CHCHD2: variants seen among roughly 807,000 people sequenced by gnomAD.
CHCHD2 encodes coiled-coil-helix-coiled-coil-helix domain-containing protein 2.
In CHCHD2, 17 loss-of-function variants were observed where a neutral mutation model predicts 17.5. The observed-to-expected ratio is 0.97, with a 90% CI of 0.67 to 1.46. The LOEUF is 1.46. Among genes scored for constraint, CHCHD2 ranks in the 40% most tolerant of loss-of-function variants. CHCHD2 has a pLI of 0.00. For synonymous variants in CHCHD2, 63 were observed against 74.3 expected (o/e 0.85, Z 0.78); for missense variants, 175 against 199.9 (o/e 0.88, Z 0.75).
At chr7:56,105,776 C>A (rs946463321) in intron 1 of CHCHD2, among the ~76,000 whole-genome samples, 1 of 152,174 alleles carries the variant, frequency 6.6e-6, no homozygotes, top group Non-Finnish European at 1.5e-5. Flanking sequence ...GAGTTAGACT[C>A]TGACTCAAAA....
At chr7:56,105,911 T>C (rs1392653703) in intron 1 of CHCHD2, among the ~76,000 whole-genome samples, 1 of 152,200 alleles carries the variant, frequency 6.6e-6, no homozygotes, top group African/African-American at 2.4e-5. Context: ...TGAACTATTA[T>C]ACCAAAAGCA....
At chr7:56,104,561 T>G in intron 1 of CHCHD2, 86 bp from the exon 2 acceptor site, 1 of 1,328,900 alleles carries the variant, frequency 7.5e-7, no homozygotes. Flanking sequence ...CATATTAAAA[T>G]GGACCTCAAG....
intron 1 of CHCHD2, among the ~76,000 whole-genome samples, chr7:56,105,819 A>G (rs1785372329): frequency 6.6e-6 from 1 of 152,156 alleles, no homozygotes; most frequent in African/African-American, 2.4e-5. Context: ...TTAGGACTTA[A>G]AGATGGTCAA....
intron 1 of CHCHD2, 40 bp downstream of exon 1, chr7:56,106,324 G>C: frequency 6.2e-7 from 1 of 1,604,612 alleles, no homozygotes; most frequent in East Asian, 2.3e-5. Flanking sequence ...GTAGAGTCCG[G>C]ACGGCCGCGC....
At position 56,101,785 on chromosome 7, in the gene CHCHD2, A is replaced by G. The variant is rs569456060; in HGVS notation, c.*66T>C. ...ACTTTATACCCTCACTATCAATTCT[A>G]TTTTTATACTAAATTAACTTAGTTA... On this transcript the variant is annotated 3_prime_UTR_variant, in exon 4 of 4. Transcript: ENST00000395422. 249 of 1,451,414 alleles carry G rather than the reference A, an allele frequency of 1.7e-4. No homozygotes were observed. Among genetic ancestry groups the G allele is most frequent in the Non-Finnish European group, 2.2e-4 (228 of 1,040,870 alleles). 89.9% of individuals were successfully genotyped at this position (1,451,414 alleles called of 1,614,324 possible). A position where few individuals can be genotyped will look rare whatever the true frequency, so the allele number is the denominator to read the frequency against.
Position 56,104,410 on chromosome 7 carries a change from G to A in CHCHD2, c.116C>T (p.Pro39Leu). ...APVAQPPAAA[P>L]PSAVGSSAAA... Reference sequence around the variant, plus strand: ...AGCAGAAGAGCCAACTGCAGATGGGGGTGCCGCTGCTGGTGGCTGAGCGAC... The same window carrying A: ...AGCAGAAGAGCCAACTGCAGATGGGAGTGCCGCTGCTGGTGGCTGAGCGAC... The change falls in exon 2 of 4, where the codon CCC becomes CTC. Residue 39 changes from proline to leucine, a missense_variant. Physicochemically the swap from Pro to Leu is moderately conservative, Grantham distance 98. Coordinates refer to ENST00000395422, the MANE Select transcript of CHCHD2 (RefSeq NM_016139.4). 3 of 1,610,622 alleles carry A rather than the reference G, an allele frequency of 1.9e-6. No homozygotes were observed. Among genetic ancestry groups the A allele is most frequent in the Non-Finnish European group, 1.7e-6 (2 of 1,178,866 alleles).
At position 56,104,354 on chromosome 7, in the gene CHCHD2, G is replaced by A; in HGVS notation, c.172C>T (p.Gln58Ter). ...ACGCCAGCTGCAGTGGTTGCCATCT[G>A]GGCCATCAGACCTGGCTGCCGGGGC... The part of the protein sequence containing the change: ...AAPRQPGLMA[Q>*]MATTAAGVAV... The change falls in exon 2 of 4, where the codon CAG becomes TAG. Residue 58 changes from glutamine to a stop codon, truncating the protein, a stop_gained. Coordinates refer to ENST00000395422, the MANE Select transcript of CHCHD2 (RefSeq NM_016139.4). LOFTEE classifies it high-confidence loss of function. The A allele has an allele frequency of 3.1e-6, 5 of 1,613,362 alleles. No individual in the cohort carries two copies. The highest frequency in any genetic ancestry group is 4.2e-6 in the Non-Finnish European group (5 of 1,179,684).
Position 56,104,379 on chromosome 7 carries a change from CGCA to C in CHCHD2, c.144_146del (p.Ala49del), listed in dbSNP as rs961334820. On this transcript the variant is annotated inframe_deletion, in exon 2 of 4. Coordinates refer to ENST00000395422, the MANE Select transcript of CHCHD2 (RefSeq NM_016139.4). Reference sequence around the variant, plus strand: ...GGGCCATCAGACCTGGCTGCCGGGGCGCAGCAGCAGAAGAGCCAACTGCAGATG... The same window carrying C: ...GGGCCATCAGACCTGGCTGCCGGGGCGCAGCAGAAGAGCCAACTGCAGATG... 2.5e-6 allele frequency: 4 copies of C among 1,612,174 alleles called. No individual in the cohort carries two copies. The African/African-American group carries it at 5.3e-5, about 22-fold the overall frequency.
intron 2 of CHCHD2, among the ~76,000 whole-genome samples, chr7:56,103,578 G>A (rs1257904839): frequency 3.3e-5 from 5 of 152,208 alleles, no homozygotes; most frequent in African/African-American, 4.8e-5. Flanking sequence ...ATAGGCATGA[G>A]CCTCCGTTCC....
chr7:56,103,620 A>G (rs1308564884), intron 2 of CHCHD2, among the ~76,000 whole-genome samples: 1 of 152,202 alleles, frequency 6.6e-6, no homozygotes, highest in African/African-American at 2.4e-5. Flanking sequence ...AAAAGCTGAA[A>G]GCCAACAGTT....
intron 1 of CHCHD2, 104 bp from the exon 2 acceptor site, chr7:56,104,579 T>C: frequency 1.6e-6 from 2 of 1,227,550 alleles, no homozygotes. Flanking sequence ...AAGATTTTCA[T>C]TTCAAATTAT....
intron 3 of CHCHD2, among the ~76,000 whole-genome samples, chr7:56,102,247 T>C (rs1785297935): frequency 6.6e-6 from 1 of 152,214 alleles, no homozygotes; most frequent in Non-Finnish European, 1.5e-5. Flanking sequence ...TTCCTGGATT[T>C]TGGTGAAAAC....
intron 1 of CHCHD2, 136 bp from the exon 2 acceptor site, chr7:56,104,611 A>AT (rs879534226): frequency 0.17 from 135,663 of 780,356 alleles, 1 homozygote; most frequent in East Asian, 0.23. Flanking sequence ...TCTCTCTTCA[A>AT]TTTTTTTTTT....
At position 56,106,422 on chromosome 7, in the gene CHCHD2, A is replaced by C. The variant is rs10043; in HGVS notation, c.-9T>G. 0.79 allele frequency: 1,278,169 copies of C among 1,612,316 alleles called. 508,332 individuals carry two copies. The highest frequency in any genetic ancestry group is 0.95 in the East Asian group (42,651 of 44,830). On this transcript the variant is annotated 5_prime_UTR_variant, in exon 1 of 4. Coordinates refer to ENST00000395422, the MANE Select transcript of CHCHD2 (RefSeq NM_016139.4). Reference sequence around the variant, plus strand: ...CGGCTTCCACGCGGCATCCTAGGTAAGCGACGGCTAGGCCTCCGGACGTGG... The same window carrying C: ...CGGCTTCCACGCGGCATCCTAGGTACGCGACGGCTAGGCCTCCGGACGTGG...
At chr7:56,106,303 T>C in intron 1 of CHCHD2, 61 bp downstream of exon 1, 1 of 1,530,878 alleles carries the variant, frequency 6.5e-7, no homozygotes, top group South Asian at 1.2e-5. Context: ...TCCCTCTGCG[T>C]CATTGCCCCA....
intron 2 of CHCHD2, among the ~76,000 whole-genome samples, chr7:56,103,894 G>A (rs1199359871): frequency 6.6e-6 from 1 of 152,196 alleles, no homozygotes; most frequent in Non-Finnish European, 1.5e-5. Flanking sequence ...ACAGCTATGC[G>A]AGATTTTTGA....
At chr7:56,104,185 A>C (rs763305407) in intron 2 of CHCHD2, 41 bp downstream of exon 2, 2 of 1,602,184 alleles carry the variant, frequency 1.2e-6, no homozygotes, top group African/African-American at 2.7e-5. Flanking sequence ...CTTTTCTCAT[A>C]AAATCCACCC....
intron 1 of CHCHD2, among the ~76,000 whole-genome samples, chr7:56,106,086 C>T (rs1171604110): frequency 6.6e-6 from 1 of 152,202 alleles, no homozygotes. Flanking sequence ...GTGCTCTTTT[C>T]CCCGAAATCA....
chr7:56,102,895 CT>C lies in CHCHD2; in HGVS notation c.416del (p.Glu139GlyfsTer3). On this transcript the variant is annotated frameshift_variant, in exon 3 of 4. Transcript: ENST00000395422. LOFTEE classifies it high-confidence loss of function. The stretch of plus-strand genomic sequence containing the variant: ...TTGCAAGTCGGCACTGTTTCAGCAC[CT>C]CATTGAAACCCTCACAGAGCTTGAT... Reference protein sequence around the residue: ...GDIKLCEGFNEVLKQCRLANG... With the variant: ...GDIKLCEGFNXVLKQCRLANG... 6.2e-7 allele frequency: 1 copy of C among 1,614,042 alleles called. No homozygotes were observed. Among genetic ancestry groups the C allele is most frequent in the Non-Finnish European group, 8.5e-7 (1 of 1,179,924 alleles).
Sources: gnomAD v4.1 joint callset for allele counts (sites outside exome capture counted in the v4.1 genomes callset) on GRCh38, gnomAD v4.1.1 for gene constraint, MANE v1.5 for transcripts, NCBI Gene and HGNC (gene_info 2026-07-23, HGNC 2026-07-21) for gene names.